RHOT1: variants seen among roughly 807,000 people sequenced by gnomAD.
RHOT1 encodes the protein mitochondrial Rho GTPase 1.
Under a neutral mutation model 95.3 loss-of-function variants are expected in RHOT1, and 27 were observed. The ratio of observed to expected loss-of-function variants is 0.28; its 90% confidence interval spans 0.21 to 0.39. The LOEUF (loss-of-function observed/expected upper bound fraction) is 0.39, where lower values mean the gene tolerates loss of function less well. Ranked by LOEUF, RHOT1 falls within the 10% of genes least tolerant of loss-of-function variation. RHOT1 has a pLI of 1.00. For synonymous variants in RHOT1, 227 were observed against 263.5 expected (o/e 0.86, Z 1.34); for missense variants, 578 against 786.7 (o/e 0.73, Z 3.17).
At chr17:32,169,593 G>A (rs955348428) in intron 1 of RHOT1, among the ~76,000 whole-genome samples, 2 of 152,154 alleles carry the variant, frequency 1.3e-5, no homozygotes, top group African/African-American at 2.4e-5. Flanking sequence ...TGGTTTATTC[G>A]TTTTTGGAGA....
In RHOT1 at chr17:32,150,906, G is replaced by T. The variant is rs181804010; in HGVS notation, c.37+8177G>T. 5.0e-3 allele frequency: 7,735 copies of T among 1,548,786 alleles called. 32 individuals carry two copies. Among genetic ancestry groups the T allele is most frequent in the Middle Eastern group, 0.01 (58 of 5,796 alleles). On this transcript the variant is annotated intron_variant, in intron 1 of 19. Coordinates refer to ENST00000545287, the MANE Select transcript of RHOT1 (RefSeq NM_001033566.3). ...AAGCACTGGGGGATGTTCTGGGGGA[G>T]GTGGGCACATTCTTCTTGGATGGAA...
At chr17:32,156,667 T>C (rs551892893) in intron 1 of RHOT1, among the ~76,000 whole-genome samples, 1 of 152,366 alleles carries the variant, frequency 6.6e-6, no homozygotes, top group East Asian at 1.9e-4. Context: ...TTAGATAACA[T>C]CTAGTCCACC....
intron 6 of RHOT1, among the ~76,000 whole-genome samples, chr17:32,177,828 C>CT (rs1200853876): frequency 5.5e-4 from 76 of 137,378 alleles, no homozygotes; most frequent in Non-Finnish European, 6.0e-4. Flanking sequence ...TTTCTTTCTT[C>CT]TTTTTTTTTT....
chr17:32,144,329 C>T (rs2030948498), intron 1 of RHOT1, among the ~76,000 whole-genome samples: 1 of 152,066 alleles, frequency 6.6e-6, no homozygotes, highest in South Asian at 2.1e-4. Context: ...AGGCAGATCA[C>T]TTGAGGTCAG....
intron 1 of RHOT1, among the ~76,000 whole-genome samples, chr17:32,144,241 C>T (rs995216445): frequency 1.3e-5 from 2 of 152,030 alleles, no homozygotes; most frequent in Non-Finnish European, 2.9e-5. Flanking sequence ...GCTCTGTCAC[C>T]GAGGCTGGAG....
chr17:32,190,737 CAT>C (rs71144811), intron 8 of RHOT1, among the ~76,000 whole-genome samples: 2,507 of 152,194 alleles, frequency 0.016, 75 homozygotes, highest in African/African-American at 0.056. Flanking sequence ...AAGAATAAAT[CAT>C]GTGTGATTAT....
intron 6 of RHOT1, among the ~76,000 whole-genome samples, chr17:32,180,465 G>A (rs965724635): frequency 1.3e-5 from 2 of 151,600 alleles, no homozygotes; most frequent in East Asian, 1.9e-4. Flanking sequence ...CAGCATGCTC[G>A]TTAAGAGTCA....
intron 8 of RHOT1, among the ~76,000 whole-genome samples, chr17:32,191,046 C>A (rs373722942): frequency 6.6e-6 from 1 of 152,196 alleles, no homozygotes; most frequent in Non-Finnish European, 1.5e-5. Flanking sequence ...CTGCACTCCT[C>A]GGCCTCCCAA....
chr17:32,217,616 G>A (rs1205855794), intron 19 of RHOT1, among the ~76,000 whole-genome samples: 8 of 151,688 alleles, frequency 5.3e-5, no homozygotes, highest in East Asian at 2.0e-4. Context: ...TTAGCTGGGC[G>A]TGGTGGTGCG....
chr17:32,208,405 G>A, intron 18 of RHOT1, 96 bp downstream of exon 18: 2 of 1,213,390 alleles, frequency 1.6e-6, no homozygotes, highest in East Asian at 2.3e-5. Context: ...CATAGGAATT[G>A]TTCAGCAACA....
At chr17:32,146,837 C>G (rs976033879) in intron 1 of RHOT1, among the ~76,000 whole-genome samples, 1 of 151,458 alleles carries the variant, frequency 6.6e-6, no homozygotes, top group East Asian at 1.9e-4. Flanking sequence ...TCACTGTAAC[C>G]TCAGCCTCCC....
chr17:32,192,762 C>T (rs1416036266), intron 9 of RHOT1, among the ~76,000 whole-genome samples: 1 of 151,492 alleles, frequency 6.6e-6, no homozygotes, highest in Non-Finnish European at 1.5e-5. Flanking sequence ...ACCTCCGCTG[C>T]CCGGGTTCAA....
rs1307856361 is a variant in RHOT1 at position 32,142,705 on chromosome 17, G to A, written c.13G>A (p.Val5Met). 1 of 1,530,322 alleles carries A rather than the reference G, an allele frequency of 6.5e-7. No individual in the cohort carries two copies. Among genetic ancestry groups the A allele is most frequent in the East Asian group, 2.5e-5 (1 of 39,764 alleles). 94.8% of individuals were successfully genotyped at this position (1,530,322 alleles called of 1,614,324 possible). A position where few individuals can be genotyped will look rare whatever the true frequency, so the allele number is the denominator to read the frequency against. The change falls in exon 1 of 20, where the codon GTG (valine) becomes ATG (methionine). Residue 5 changes from valine to methionine, a missense_variant. Val to Met is a conservative substitution (Grantham distance 21). Coordinates refer to ENST00000545287, the MANE Select transcript of RHOT1 (RefSeq NM_001033566.3). ...GAGAGCCGCCGACATGAAGAAAGACGTGCGGATCCTGCTGGTGGGAGAACG... is the reference window on the plus strand; with the variant it reads ...GAGAGCCGCCGACATGAAGAAAGACATGCGGATCCTGCTGGTGGGAGAACG... MKKD[V>M]RILLVGEPRV... is the part of the protein sequence containing the mutation.
chr17:32,157,466 G>A (rs2033077794), intron 1 of RHOT1, among the ~76,000 whole-genome samples: 2 of 152,178 alleles, frequency 1.3e-5, no homozygotes, highest in Admixed American at 6.5e-5. Context: ...GGAGATCACT[G>A]GTGATATGTT....
At chr17:32,154,875 C>T (rs139206168) in intron 1 of RHOT1, among the ~76,000 whole-genome samples, 2 of 148,400 alleles carry the variant, frequency 1.3e-5, no homozygotes, top group African/African-American at 5.0e-5. Flanking sequence ...GCTTGGGCAA[C>T]AGAGCAAGGA....
At chr17:32,155,969 T>C (rs529251086) in intron 1 of RHOT1, among the ~76,000 whole-genome samples, 17 of 152,244 alleles carry the variant, frequency 1.1e-4, no homozygotes, top group African/African-American at 3.6e-4. Flanking sequence ...GATGTACTAC[T>C]ATGAATGTTG....
At chr17:32,171,434 G>A (rs760030319) in intron 2 of RHOT1, among the ~76,000 whole-genome samples, 3 of 152,192 alleles carry the variant, frequency 2.0e-5, no homozygotes, top group Non-Finnish European at 4.4e-5. Context: ...CTGTATCTAT[G>A]AAATACAGTA....
chr17:32,142,909 G>A (rs1013062519), intron 1 of RHOT1, 180 bp downstream of exon 1: 9 of 737,104 alleles, frequency 1.2e-5, no homozygotes, highest in Non-Finnish European at 2.2e-5. Flanking sequence ...CTTCTCTTTT[G>A]GCTGGCCGCC....
chr17:32,215,431 T>A (rs1051685876), intron 19 of RHOT1, among the ~76,000 whole-genome samples: 2 of 152,188 alleles, frequency 1.3e-5, no homozygotes, highest in African/African-American at 4.8e-5. Context: ...TTTAAGTACC[T>A]GCTTTAAATA....
Sources: gnomAD v4.1 joint callset for allele counts (sites outside exome capture counted in the v4.1 genomes callset) on GRCh38, gnomAD v4.1.1 for gene constraint, MANE v1.5 for transcripts, NCBI Gene and HGNC (gene_info 2026-07-23, HGNC 2026-07-21) for gene names.